GMIP: variants seen among roughly 807,000 people sequenced by gnomAD.
The protein encoded by GMIP is GEM-interacting protein.
A neutral mutation model predicts 105.3 loss-of-function variants in GMIP; 54 were observed. That is an observed-to-expected ratio of 0.51 (90% CI 0.41 to 0.64). The LOEUF (loss-of-function observed/expected upper bound fraction) is 0.64, where lower values mean the gene tolerates loss of function less well. Among genes scored for constraint, GMIP ranks in the 30% least tolerant of loss-of-function variants. The probability of loss-of-function intolerance (pLI) is 0.00; values close to 1 mark genes in which losing one functional copy is unlikely to be tolerated. For missense variants in GMIP, 1,110 were observed against 1,319.4 expected, an observed-to-expected ratio of 0.84 and a Z score of 2.46; for synonymous variants, 541 against 560.8, an observed-to-expected ratio of 0.96 and a Z score of 0.50.
At position 19,637,581 on chromosome 19, in the gene GMIP, G is replaced by T. The variant is rs1376563388; in HGVS notation, c.928-20C>A. 6.7e-7 allele frequency: 1 copy of T among 1,496,210 alleles called. No homozygotes were observed. Among genetic ancestry groups the T allele is most frequent in the Non-Finnish European group, 8.9e-7 (1 of 1,129,568 alleles). The allele number at this position is 1,496,210 out of a possible 1,614,324, so 92.7% of individuals were successfully genotyped here. On this transcript the variant is annotated intron_variant, in intron 10 of 20. Coordinates refer to ENST00000203556, the MANE Select transcript of GMIP (RefSeq NM_016573.4). The surrounding 1 kb of genome is among the most constrained non-coding windows in gnomAD (Gnocchi z 6.7). The stretch of plus-strand genomic sequence containing the variant: ...CGTCACCTGCCGGGTGGAGACAGCA[G>T]GTTGGGGAGGGGCGGAGCCTGGGAG...
Position 19,637,232 on chromosome 19 carries a change from C to T in GMIP, c.1124+133G>A. The T allele has an allele frequency of 1.4e-6, 1 of 697,998 alleles. No homozygotes were observed. The highest frequency in any genetic ancestry group is 2.4e-6 in the Non-Finnish European group (1 of 418,466). 43.2% of individuals were successfully genotyped at this position (697,998 alleles called of 1,614,324 possible). A position where few individuals can be genotyped will look rare whatever the true frequency, so the allele number is the denominator to read the frequency against. ...GGACAACCCATTCACCCTCCTATGG[C>T]CCCCGAGAGCCTGGAGTACTAAATT... On this transcript the variant is annotated intron_variant, in intron 11 of 20. Coordinates refer to ENST00000203556, the MANE Select transcript of GMIP (RefSeq NM_016573.4). The surrounding 1 kb of genome is among the most constrained non-coding windows in gnomAD (Gnocchi z 6.7).
rs1157266749 is a variant in GMIP at position 19,640,355 on chromosome 19, C to G, written c.370G>C (p.Glu124Gln). Residue 124 changes from glutamate to glutamine, a missense_variant, in exon 6 of 21, where the codon GAG becomes CAG. Glu to Gln is a conservative substitution (Grantham distance 29). Transcript: ENST00000203556. ...WTEKRASYEL[E>Q]FAKSTMKIAE... is the part of the protein sequence containing the mutation. ...ATCTTCATGGTGCTCTTAGCAAACT[C>G]CAGCTCTGGGGGAAGAGAGAGCCGG... The G allele has an allele frequency of 6.2e-7, 1 of 1,613,944 alleles. No homozygotes were observed. The highest frequency in any genetic ancestry group is 1.3e-5 in the African/African-American group (1 of 74,870).
chr19:19,635,722 C>G lies in GMIP; in HGVS notation c.1328-1G>C. On this transcript the variant is annotated splice_acceptor_variant, in intron 13 of 20. Transcript: ENST00000203556. LOFTEE classifies it high-confidence loss of function. The surrounding 1 kb of genome is among the most constrained non-coding windows in gnomAD (Gnocchi z 4.7). ...TTCACCAGCTGCCTCGTGCCAGCGC[C>G]TGGGGTCAGAGGAATCATGGGAGAT... 6.2e-7 allele frequency: 1 copy of G among 1,613,818 alleles called. No individual in the cohort carries two copies. The highest frequency in any genetic ancestry group is 8.5e-7 in the Non-Finnish European group (1 of 1,179,732).
chr19:19,637,650 A>C lies in GMIP; in HGVS notation c.928-89T>G, dbSNP rs751492677. 3 of 1,130,114 alleles carry C rather than the reference A, an allele frequency of 2.7e-6. No homozygotes were observed. The African/African-American group carries it at 4.9e-5, about 18-fold the overall frequency. The allele number at this position is 1,130,114 out of a possible 1,614,324, so 70.0% of individuals were successfully genotyped here. A position where few individuals can be genotyped will look rare whatever the true frequency, so the allele number is the denominator to read the frequency against. On this transcript the variant is annotated intron_variant, in intron 10 of 20. Coordinates refer to ENST00000203556, the MANE Select transcript of GMIP (RefSeq NM_016573.4). The surrounding 1 kb of genome is among the most constrained non-coding windows in gnomAD (Gnocchi z 6.7). ...GCTGGGGCGGGGCTTGAGAGACGCGAACGTGGTCAGGGTTTGGGACGCACC... is the reference window on the plus strand; with the variant it reads ...GCTGGGGCGGGGCTTGAGAGACGCGCACGTGGTCAGGGTTTGGGACGCACC...
At chr19:19,632,863 A>G (rs1195701628) in intron 19 of GMIP, among the ~76,000 whole-genome samples, 2 of 152,112 alleles carry the variant, frequency 1.3e-5, no homozygotes, top group East Asian at 1.9e-4. Context: ...ATCCTACCTC[A>G]GGGCCTTTGC....
chr19:19,634,691 C>T lies in GMIP; in HGVS notation c.1900G>A (p.Val634Met), dbSNP rs780990487. 13 of 1,608,662 alleles carry T rather than the reference C, an allele frequency of 8.1e-6. No homozygotes were observed. Among genetic ancestry groups the T allele is most frequent in the South Asian group, 5.5e-5 (5 of 90,938 alleles). ...GCGTCGTAGAGGTGGAAGGGGATCACGGGCTCGGTGAGCTGGGGGTGGAAC... is the reference window on the plus strand; with the variant it reads ...GCGTCGTAGAGGTGGAAGGGGATCATGGGCTCGGTGAGCTGGGGGTGGAAC... ...KRFLQELTEP[V>M]IPFHLYDAFI... The change falls in exon 18 of 21, where the codon GTG (valine) becomes ATG (methionine). Residue 634 changes from valine to methionine, a missense_variant. Around this residue, in one of 3 missense-constraint regions of GMIP, gnomAD observed 49 missense variants for 95.6 expected, o/e 0.51. Transcript: ENST00000203556. This position sits in a 1 kb window ranked among gnomAD's most constrained non-coding sequence, Gnocchi z 6.1.
At position 19,642,599 on chromosome 19, in the gene GMIP, C is replaced by T. The variant is rs777106356; in HGVS notation, c.40G>A (p.Gly14Ser). Residue 14 changes from glycine (G) to serine (S), a missense_variant, in exon 2 of 21, where the codon GGC (glycine) becomes AGC (serine). Gly to Ser is a moderately conservative substitution (Grantham distance 56, BLOSUM62 0). Transcript: ENST00000203556. ...AAGATGTCACTGTACCTCTTCCTGC[C>T]CTCAGGACCTGGGGGGAGTCCTAGG... ...AEPGLPPGPE[G>S]RKRYSDIFRS... 8.7e-5 allele frequency: 139 copies of T among 1,604,486 alleles called. 3 individuals are homozygous for T. The South Asian group carries it at 1.4e-3, about 16-fold the overall frequency.
In GMIP at chr19:19,642,100, T is replaced by C. The variant is rs2061928457; in HGVS notation, c.105-49A>G. On this transcript the variant is annotated intron_variant, in intron 2 of 20. Coordinates refer to ENST00000203556, the MANE Select transcript of GMIP (RefSeq NM_016573.4). ...ATGCCACCTTACACCCAGTCTGTCC[T>C]GCCAAGGGGTGCTGGGGACCTTAGG... is the stretch of plus-strand genomic sequence containing the variant. 4 of 1,272,608 alleles carry C rather than the reference T, an allele frequency of 3.1e-6. No homozygotes were observed. The South Asian group carries it at 3.8e-5, about 12-fold the overall frequency. The allele number at this position is 1,272,608 out of a possible 1,614,324, so 78.8% of individuals were successfully genotyped here. A position where few individuals can be genotyped will look rare whatever the true frequency, so the allele number is the denominator to read the frequency against.
intron 1 of GMIP, chr19:19,642,950 T>C (rs1013901810): frequency 3.5e-5 from 8 of 227,900 alleles, no homozygotes; most frequent in South Asian, 1.2e-4. Flanking sequence ...GCTAGACAGA[T>C]GGAAATACAC....
chr19:19,632,281 T>G (rs2061804441), intron 19 of GMIP, among the ~76,000 whole-genome samples: 2 of 149,844 alleles, frequency 1.3e-5, no homozygotes, highest in South Asian at 4.2e-4. Flanking sequence ...GCAACAAGAA[T>G]GAAACTCCGT....
intron 1 of GMIP, chr19:19,643,059 G>C (rs751852298): frequency 1.9e-5 from 4 of 210,018 alleles, no homozygotes; most frequent in African/African-American, 4.6e-5. Context: ...ACACAACACA[G>C]ACACAAAGAC....
Position 19,629,756 on chromosome 19 carries a change from T to TG in GMIP, c.*206dup. ...ATGCTTGGCAGTGACCTGTGTCTAG[T>TG]GGGGGGACTCTGGGACATTATCCCC... On this transcript the variant is annotated 3_prime_UTR_variant, in exon 21 of 21. Transcript: ENST00000203556. 1 of 588,818 alleles carries TG rather than the reference T, an allele frequency of 1.7e-6. No homozygotes were observed. Among genetic ancestry groups the TG allele is most frequent in the Non-Finnish European group, 3.0e-6 (1 of 335,530 alleles). 36.5% of individuals were successfully genotyped at this position (588,818 alleles called of 1,614,324 possible).
chr19:19,633,593 T>C (rs1227865372), intron 19 of GMIP, among the ~76,000 whole-genome samples: 1 of 152,220 alleles, frequency 6.6e-6, no homozygotes, highest in Admixed American at 6.5e-5. Flanking sequence ...TCACCCATGT[T>C]AGTACCTCTG....
At chr19:19,633,096 T>C (rs2061813144) in intron 19 of GMIP, among the ~76,000 whole-genome samples, 1 of 151,610 alleles carries the variant, frequency 6.6e-6, no homozygotes, top group South Asian at 2.1e-4. Context: ...TCTTGCTCTA[T>C]TGTCCAGGCT....
Position 19,638,055 on chromosome 19 carries a change from C to T in GMIP, c.792G>A (p.Ala264=), listed in dbSNP as rs778149370. The T allele has an allele frequency of 1.8e-5, 28 of 1,563,136 alleles. No homozygotes were observed. Among genetic ancestry groups the T allele is most frequent in the Middle Eastern group, 2.1e-4 (1 of 4,868 alleles). Reference sequence around the variant, plus strand: ...CCTGGTACAGCGCCTCGGCCTCCTGCGCCTGGGGAAACGGGAGGCCAGGAG... The same window carrying T: ...CCTGGTACAGCGCCTCGGCCTCCTGTGCCTGGGGAAACGGGAGGCCAGGAG... The part of the protein sequence containing the change: ...RRSREEAQAK[A]QEAEALYQAC... The change falls in exon 10 of 21, where the codon GCG becomes GCA. Residue 264 remains alanine, a splice_region_variant and synonymous_variant. Transcript: ENST00000203556.
At chr19:19,632,013 G>C (rs182204408) in intron 19 of GMIP, among the ~76,000 whole-genome samples, 1 of 151,764 alleles carries the variant, frequency 6.6e-6, no homozygotes, top group African/African-American at 2.4e-5. Flanking sequence ...ATTCTAGGCC[G>C]GGTGCAGTGG....
chr19:19,634,905 G>A lies in GMIP; in HGVS notation c.1774C>T (p.Arg592Trp), dbSNP rs757102903. Reference protein sequence around the residue: ...VQGIYRVSGSRVRVERLCQAF... With the variant: ...VQGIYRVSGSWVRVERLCQAF... ...TGGCACAGCCGCTCCACACGGACCC[G>A]GGACCCGCTGACCCGGTAAATGCCC... Residue 592 changes from arginine (R) to tryptophan (W), a missense_variant, in exon 17 of 21, where the codon CGG (arginine) becomes TGG (tryptophan). Arg to Trp is a moderately radical substitution (Grantham distance 101). This residue lies in a region of GMIP where 49 missense variants were observed against 95.6 expected (regional missense o/e 0.51). Transcript: ENST00000203556. The surrounding 1 kb of genome is among the most constrained non-coding windows in gnomAD (Gnocchi z 6.1). 12 of 1,613,898 alleles carry A rather than the reference G, an allele frequency of 7.4e-6. No individual in the cohort carries two copies. Among genetic ancestry groups the A allele is most frequent in the East Asian group, 4.5e-5 (2 of 44,888 alleles).
chr19:19,636,178 T>C (rs997395479), intron 13 of GMIP, among the ~76,000 whole-genome samples: 1 of 138,576 alleles, frequency 7.2e-6, no homozygotes, highest in African/African-American at 2.7e-5. Context: ...CGCTCCAGCC[T>C]GGGCAACAGA....
In GMIP at chr19:19,638,383, C is replaced by T. The variant is rs1214955062; in HGVS notation, c.618+19G>A. The T allele has an allele frequency of 6.2e-7, 1 of 1,614,094 alleles. No individual in the cohort carries two copies. Among genetic ancestry groups the T allele is most frequent in the Admixed American group, 1.7e-5 (1 of 60,018 alleles). On this transcript the variant is annotated intron_variant, in intron 8 of 20. Coordinates refer to ENST00000203556, the MANE Select transcript of GMIP (RefSeq NM_016573.4). ...CGGCCTCTCTCTCACCCTACCCTTC[C>T]ACCAATTCCAAGCCTCACCATCCGC...
Sources: gnomAD v4.1 joint callset for allele counts (sites outside exome capture counted in the v4.1 genomes callset) on GRCh38, gnomAD v4.1.1 for gene constraint, gnomAD v4.1.1 regional missense constraint, Gnocchi (gnomAD v3.1) non-coding constraint, MANE v1.5 for transcripts, NCBI Gene and HGNC (gene_info 2026-07-23, HGNC 2026-07-21) for gene names.